FRMD3: variants seen among roughly 807,000 people sequenced by gnomAD.
FRMD3 encodes FERM domain containing 3.
Under a neutral mutation model 70.2 loss-of-function variants are expected in FRMD3, and 33 were observed. The observed-to-expected ratio is 0.47, with a 90% CI of 0.36 to 0.63. FRMD3 has a LOEUF of 0.63. Ranked by LOEUF, FRMD3 falls within the 20% of genes least tolerant of loss-of-function variation. The pLI is 0.00. For synonymous variants in FRMD3, 279 were observed against 255.9 expected, an observed-to-expected ratio of 1.09 and a Z score of -0.86; for missense variants, 632 against 711.4, an observed-to-expected ratio of 0.89 and a Z score of 1.27.
chr9:83,577,197 CT>C, the FRMD3 span, among the ~76,000 whole-genome samples: 1 of 151,286 alleles, frequency 6.6e-6, no homozygotes, highest in South Asian at 2.1e-4. Flanking sequence ...GCCCAGCTGA[CT>C]TTTTTTTTCC....
intron 1 of FRMD3, among the ~76,000 whole-genome samples, chr9:83,421,446 T>C (rs939354387): frequency 2.0e-5 from 3 of 151,654 alleles, no homozygotes; most frequent in Non-Finnish European, 2.9e-5. Context: ...ATTAGCCTTA[T>C]ATTTTTATAT....
chr9:83,251,356 T>C (rs1202449654), intron 13 of FRMD3, among the ~76,000 whole-genome samples: 5 of 152,106 alleles, frequency 3.3e-5, no homozygotes, highest in Non-Finnish European at 7.3e-5. Flanking sequence ...AAAAACTTCA[T>C]TCAAAGGTCA....
intron 6 of FRMD3, among the ~76,000 whole-genome samples, chr9:83,315,478 T>C (rs964490292): frequency 6.6e-6 from 1 of 152,064 alleles, no homozygotes; most frequent in Non-Finnish European, 1.5e-5. Context: ...GATTGGATCA[T>C]GGGGGCAGAT....
intron 8 of FRMD3, among the ~76,000 whole-genome samples, chr9:83,311,373 C>A (rs554947544): frequency 1.3e-5 from 2 of 152,184 alleles, no homozygotes; most frequent in East Asian, 3.9e-4. Context: ...GGAACTGCTC[C>A]ACGTTTGCTC....
the FRMD3 span, among the ~76,000 whole-genome samples, chr9:83,573,894 T>C: frequency 6.6e-6 from 1 of 151,956 alleles, no homozygotes; most frequent in East Asian, 1.9e-4. Context: ...CAATCAAAAG[T>C]GACAAAAGGG....
chr9:83,290,842 C>G (rs1244153312), intron 12 of FRMD3, 115 bp from the exon 13 acceptor site: 3 of 1,079,752 alleles, frequency 2.8e-6, no homozygotes, highest in African/African-American at 1.6e-5. Flanking sequence ...CCTCCAGACA[C>G]AGTGAATTGA....
At chr9:83,488,115 T>G (rs1289352589) in intron 1 of FRMD3, among the ~76,000 whole-genome samples, 1 of 152,106 alleles carries the variant, frequency 6.6e-6, no homozygotes, top group African/African-American at 2.4e-5. Context: ...ACATATATAC[T>G]CCTTTGGCCT....
the FRMD3 span, among the ~76,000 whole-genome samples, chr9:83,576,983 T>A: frequency 6.6e-6 from 1 of 152,066 alleles, no homozygotes; most frequent in East Asian, 1.9e-4. Flanking sequence ...AAGAACACAG[T>A]TTCATTCACA....
chr9:83,492,053 ATG>A (rs1828838916), intron 1 of FRMD3, among the ~76,000 whole-genome samples: 1 of 152,194 alleles, frequency 6.6e-6, no homozygotes, highest in Admixed American at 6.5e-5. Context: ...GAATGTAAAA[ATG>A]TGTGTGCAAC....
At chr9:83,394,173 T>C (rs1445320956) in intron 1 of FRMD3, among the ~76,000 whole-genome samples, 1 of 152,084 alleles carries the variant, frequency 6.6e-6, no homozygotes, top group Admixed American at 6.6e-5. Context: ...ATTTTTAGTG[T>C]GCGTTGGATT....
chr9:83,449,803 G>A (rs968640902), intron 1 of FRMD3, among the ~76,000 whole-genome samples: 1 of 152,186 alleles, frequency 6.6e-6, no homozygotes, highest in Non-Finnish European at 1.5e-5. Context: ...AAGTTGGACT[G>A]AGGGTAAGGA....
chr9:83,253,214 T>C (rs981099980), intron 13 of FRMD3, among the ~76,000 whole-genome samples: 5 of 152,134 alleles, frequency 3.3e-5, no homozygotes, highest in Non-Finnish European at 7.3e-5. Context: ...GATTAAGAAA[T>C]TCATTCAAAA....
intron 1 of FRMD3, among the ~76,000 whole-genome samples, chr9:83,514,659 A>G (rs1276350758): frequency 6.6e-6 from 1 of 152,110 alleles, no homozygotes; most frequent in South Asian, 2.1e-4. Context: ...CCCCATGCCT[A>G]CTGATGGGGA....
At chr9:83,314,138 A>C (rs189067538) in intron 6 of FRMD3, among the ~76,000 whole-genome samples, 3 of 152,332 alleles carry the variant, frequency 2.0e-5, no homozygotes, top group Admixed American at 6.5e-5. Flanking sequence ...GCTCAGGGAA[A>C]AAAATGCACA....
chr9:83,344,676 C>A (rs187238980), intron 4 of FRMD3, among the ~76,000 whole-genome samples: 14 of 152,160 alleles, frequency 9.2e-5, no homozygotes, highest in Non-Finnish European at 1.9e-4. Context: ...GGTTCTCAGG[C>A]CTTTGAACTA....
chr9:83,310,058 C>A (rs1296105982), intron 9 of FRMD3, among the ~76,000 whole-genome samples: 1 of 152,190 alleles, frequency 6.6e-6, no homozygotes, highest in Non-Finnish European at 1.5e-5. Flanking sequence ...CCTGGTGAAT[C>A]CACAATCTAT....
intron 1 of FRMD3, among the ~76,000 whole-genome samples, chr9:83,525,816 A>G (rs1386272088): frequency 1.3e-5 from 2 of 152,166 alleles, no homozygotes; most frequent in Admixed American, 6.5e-5. Flanking sequence ...TTGCCTAACA[A>G]AGGAAAAACG....
intron 1 of FRMD3, among the ~76,000 whole-genome samples, chr9:83,396,300 A>G (rs892889033): frequency 1.3e-5 from 2 of 152,242 alleles, no homozygotes; most frequent in Admixed American, 1.3e-4. Context: ...CAACAACACC[A>G]GGCTGGGAAA....
chr9:83,330,019 C>T (rs1404581286), intron 6 of FRMD3, among the ~76,000 whole-genome samples: 1 of 152,102 alleles, frequency 6.6e-6, no homozygotes, highest in Non-Finnish European at 1.5e-5. Context: ...TCCTCTTACC[C>T]CAGGTGGCTT....
Sources: gnomAD v4.1 joint callset for allele counts (sites outside exome capture counted in the v4.1 genomes callset) on GRCh38, gnomAD v4.1.1 for gene constraint, MANE v1.5 for transcripts, NCBI Gene and HGNC (gene_info 2026-07-23, HGNC 2026-07-21) for gene names.